The following FREM2 variants were observed in gnomAD, a reference collection of about 807,000 sequenced individuals.
The protein encoded by FREM2 is FRAS1 related extracellular matrix 2, also known as FRAS1-related extracellular matrix protein 2.
In FREM2, 119 loss-of-function variants were observed where a neutral mutation model predicts 219.9. The ratio of observed to expected loss-of-function variants is 0.54; its 90% CI spans 0.47 to 0.63. FREM2 has a LOEUF of 0.63. Ranked by LOEUF, FREM2 falls within the 30% of genes least tolerant of loss-of-function variation. The pLI is 0.00. For missense variants in FREM2, 4,030 were observed against 3,993.6 expected, an observed-to-expected ratio of 1.01 and a Z score of -0.25; for synonymous variants, 1,562 against 1,522.8, an observed-to-expected ratio of 1.03 and a Z score of -0.60.
In FREM2 at chr13:38,691,162, A is replaced by G; in HGVS notation, c.3818A>G (p.Gln1273Arg). The G allele has an allele frequency of 6.2e-7, 1 of 1,614,154 alleles. No individual in the cohort carries two copies. The highest frequency in any genetic ancestry group is 8.5e-7 in the Non-Finnish European group (1 of 1,180,016). Residue 1273 changes from glutamine (Q) to arginine (R), a missense_variant, in exon 1 of 24, where the codon CAG becomes CGG. By Grantham distance (43) the Gln-to-Arg change is conservative. Around this residue, in one of 2 missense-constraint regions of FREM2, gnomAD observed 3,102 missense variants for 2,950.7 expected, o/e 1.05. Transcript: ENST00000280481. ...TATGAGCATGATGACTCCGAGACCC[A>G]GGAAGACAGTTTTGTGATTAAACTA... The part of the protein sequence containing the change: ...IIYEHDDSET[Q>R]EDSFVIKLTD...
At chr13:38,781,813 G>A (rs1874128816) in intron 4 of FREM2, among the ~76,000 whole-genome samples, 1 of 152,184 alleles carries the variant, frequency 6.6e-6, no homozygotes, top group Admixed American at 6.5e-5. Flanking sequence ...GCTAATGAGA[G>A]CAGCCCCATC....
chr13:38,873,154 A>T (rs919601926), intron 17 of FREM2, among the ~76,000 whole-genome samples: 2 of 152,170 alleles, frequency 1.3e-5, no homozygotes, highest in South Asian at 4.1e-4. Flanking sequence ...ATATGACTTT[A>T]TATATTTCAT....
At chr13:38,761,869 T>C (rs1180723988) in intron 2 of FREM2, among the ~76,000 whole-genome samples, 1 of 152,080 alleles carries the variant, frequency 6.6e-6, no homozygotes, top group Non-Finnish European at 1.5e-5. Flanking sequence ...GACCTCCAAA[T>C]GGGCAGATTA....
chr13:38,696,886 CA>C (rs1053373426), intron 1 of FREM2, among the ~76,000 whole-genome samples: 1 of 151,556 alleles, frequency 6.6e-6, no homozygotes, highest in Admixed American at 6.6e-5. Flanking sequence ...CAGCTCACTG[CA>C]ACCTTTGCCT....
At chr13:38,877,673 T>C (rs1328838908) in intron 21 of FREM2, among the ~76,000 whole-genome samples, 1 of 152,170 alleles carries the variant, frequency 6.6e-6, no homozygotes, top group African/African-American at 2.4e-5. Context: ...ATAATAGTTA[T>C]GAAATAAAGA....
At chr13:38,801,594 T>C (rs1295198639) in intron 6 of FREM2, among the ~76,000 whole-genome samples, 1 of 152,214 alleles carries the variant, frequency 6.6e-6, no homozygotes, top group Non-Finnish European at 1.5e-5. Flanking sequence ...TTTTATTGAC[T>C]GTAAATAACA....
At chr13:38,706,432 A>C (rs923680078) in intron 2 of FREM2, among the ~76,000 whole-genome samples, 6 of 152,208 alleles carry the variant, frequency 3.9e-5, no homozygotes, top group Admixed American at 1.3e-4. Flanking sequence ...AAGCAAGTAA[A>C]TAAATGTACC....
At chr13:38,779,255 A>G (rs1047719566) in intron 4 of FREM2, among the ~76,000 whole-genome samples, 15 of 152,206 alleles carry the variant, frequency 9.9e-5, no homozygotes, top group African/African-American at 3.6e-4. Context: ...GAGGGAGAGC[A>G]TTAGGACAAA....
At chr13:38,730,906 C>T (rs905446677) in intron 2 of FREM2, among the ~76,000 whole-genome samples, 1 of 147,364 alleles carries the variant, frequency 6.8e-6, no homozygotes, top group Non-Finnish European at 1.5e-5. Flanking sequence ...ATAAAAATTT[C>T]TTATGCAACC....
chr13:38,717,005 G>A (rs549049650), intron 2 of FREM2, among the ~76,000 whole-genome samples: 14 of 152,250 alleles, frequency 9.2e-5, no homozygotes, highest in African/African-American at 3.1e-4. Context: ...TCACTGACTG[G>A]AAGAAAGAGA....
chr13:38,774,912 G>C (rs1873810760), intron 4 of FREM2, among the ~76,000 whole-genome samples: 1 of 152,088 alleles, frequency 6.6e-6, no homozygotes, highest in Non-Finnish European at 1.5e-5. Context: ...TAGAAACTGA[G>C]TCATTCTGAT....
At chr13:38,779,134 A>C (rs2137825126) in intron 4 of FREM2, among the ~76,000 whole-genome samples, 1 of 152,106 alleles carries the variant, frequency 6.6e-6, no homozygotes, top group East Asian at 1.9e-4. Flanking sequence ...GGAACAGAAA[A>C]CCAGACACTG....
intron 4 of FREM2, among the ~76,000 whole-genome samples, chr13:38,776,846 C>T (rs972088365): frequency 2.0e-5 from 3 of 151,594 alleles, no homozygotes; most frequent in Admixed American, 1.3e-4. Context: ...TGCAGCCTTA[C>T]CACTTGAGAG....
intron 6 of FREM2, among the ~76,000 whole-genome samples, chr13:38,792,446 TC>T (rs1312821011): frequency 6.6e-6 from 1 of 152,226 alleles, no homozygotes; most frequent in Non-Finnish European, 1.5e-5. Flanking sequence ...GTTTCCCTTT[TC>T]ATGGTATTAG....
intron 2 of FREM2, among the ~76,000 whole-genome samples, chr13:38,703,120 T>C (rs1406937180): frequency 1.3e-5 from 2 of 152,178 alleles, no homozygotes; most frequent in African/African-American, 2.4e-5. Flanking sequence ...CTTTCATTTT[T>C]AATAGAAGGA....
At chr13:38,814,983 AG>A (rs1313650109) in intron 6 of FREM2, among the ~76,000 whole-genome samples, 1 of 152,136 alleles carries the variant, frequency 6.6e-6, no homozygotes, top group African/African-American at 2.4e-5. Context: ...CCTCTGGCCC[AG>A]GGAAGGTTTT....
chr13:38,693,481 T>C (rs1350940305), intron 1 of FREM2, among the ~76,000 whole-genome samples: 2 of 152,198 alleles, frequency 1.3e-5, no homozygotes, highest in African/African-American at 2.4e-5. Context: ...TGCAGAGTTA[T>C]TTAGTGAGGG....
intron 2 of FREM2, among the ~76,000 whole-genome samples, chr13:38,747,067 A>C (rs1490350153): frequency 6.6e-6 from 1 of 152,138 alleles, no homozygotes; most frequent in African/African-American, 2.4e-5. Flanking sequence ...GCATCTGTAC[A>C]TTCTATCAGG....
rs113021119 is a variant in FREM2 at position 38,847,680 on chromosome 13, T to A, written c.6170-781T>A. ...AAAGACAGATATACTCAAGCAAAGT[T>A]GCACATTTGGAGGTAAAGTAGATAC... On this transcript the variant is annotated intron_variant, in intron 7 of 23. Transcript: ENST00000280481. Among the ~76,000 whole-genome samples, 532 of 152,132 alleles carry A rather than the reference T, an allele frequency of 3.5e-3. 3 individuals are homozygous for A. Among genetic ancestry groups the A allele is most frequent in the South Asian group, 9.3e-3 (45 of 4,822 alleles).
Sources: allele counts gnomAD v4.1 joint callset (sites outside exome capture counted in the v4.1 genomes callset), GRCh38; gene constraint gnomAD v4.1.1; regional missense constraint gnomAD v4.1.1; transcripts MANE v1.5; gene names NCBI Gene and HGNC (gene_info 2026-07-23, HGNC 2026-07-21).